The following TAFA1 variants were observed in gnomAD, a reference collection of about 807,000 sequenced individuals.
The protein encoded by TAFA1 is TAFA chemokine like family member 1, also known as chemokine-like protein TAFA-1.
In TAFA1, 4 loss-of-function variants were observed where a neutral mutation model predicts 18.5. That is an observed-to-expected ratio of 0.22 (90% confidence interval 0.11 to 0.49). TAFA1 has a LOEUF of 0.49. Ranked by LOEUF, TAFA1 falls within the 20% of genes least tolerant of loss-of-function variation. The pLI, the probability that TAFA1 is intolerant of heterozygous loss-of-function variation, is 0.98. For synonymous variants in TAFA1, 56 were observed against 55.2 expected, an observed-to-expected ratio of 1.01 and a Z score of -0.06; for missense variants, 147 against 169.0, an observed-to-expected ratio of 0.87 and a Z score of 0.72.
intron 3 of TAFA1, among the ~76,000 whole-genome samples, chr3:68,421,048 A>G (rs912678819): frequency 6.6e-6 from 1 of 152,212 alleles, no homozygotes; most frequent in Non-Finnish European, 1.5e-5. Flanking sequence ...TTTTATCTCT[A>G]ATGATCTAGA....
At chr3:68,157,989 T>C (rs2065883609) in intron 2 of TAFA1, among the ~76,000 whole-genome samples, 1 of 152,180 alleles carries the variant, frequency 6.6e-6, no homozygotes, top group Non-Finnish European at 1.5e-5. Flanking sequence ...GTCTTGGATT[T>C]AACAAGTTCC....
At chr3:68,203,498 G>A (rs1026003694) in intron 2 of TAFA1, among the ~76,000 whole-genome samples, 5 of 151,656 alleles carry the variant, frequency 3.3e-5, no homozygotes, top group Non-Finnish European at 5.9e-5. Context: ...ATTATGTACT[G>A]GGTAAAAGGA....
At chr3:68,130,678 C>T (rs907635603) in intron 2 of TAFA1, among the ~76,000 whole-genome samples, 6 of 152,266 alleles carry the variant, frequency 3.9e-5, no homozygotes, top group Non-Finnish European at 8.8e-5. Flanking sequence ...ATCTTACGTT[C>T]CCCTCCTGCT....
intron 2 of TAFA1, among the ~76,000 whole-genome samples, chr3:68,345,529 G>T (rs547945199): frequency 3.9e-5 from 6 of 152,260 alleles, no homozygotes; most frequent in Middle Eastern, 3.4e-3. Flanking sequence ...TAAGAAGTCA[G>T]GGGAAAACGT....
At chr3:68,229,717 C>T (rs1007653401) in intron 2 of TAFA1, among the ~76,000 whole-genome samples, 1 of 152,188 alleles carries the variant, frequency 6.6e-6, no homozygotes, top group African/African-American at 2.4e-5. Context: ...GAACAGCTCT[C>T]AATGTGCATT....
At chr3:68,529,140 A>G (rs765895458) in intron 3 of TAFA1, among the ~76,000 whole-genome samples, 2 of 151,940 alleles carry the variant, frequency 1.3e-5, no homozygotes, top group Admixed American at 1.3e-4. Flanking sequence ...ACTGCCTAGT[A>G]CAAGTAGGCA....
At chr3:68,377,356 T>C (rs1247398086) in intron 2 of TAFA1, among the ~76,000 whole-genome samples, 2 of 152,228 alleles carry the variant, frequency 1.3e-5, no homozygotes, top group Admixed American at 6.5e-5. Context: ...ACTTAGGTGG[T>C]CTTAGATGGA....
chr3:68,460,922 T>C (rs1197080536), intron 3 of TAFA1, among the ~76,000 whole-genome samples: 1 of 152,196 alleles, frequency 6.6e-6, no homozygotes, highest in Non-Finnish European at 1.5e-5. Flanking sequence ...AAATGGAATC[T>C]TCCTCCAGAA....
chr3:68,366,648 C>T (rs1326909136), intron 2 of TAFA1, among the ~76,000 whole-genome samples: 1 of 152,156 alleles, frequency 6.6e-6, no homozygotes, highest in Non-Finnish European at 1.5e-5. Context: ...GGTTTCAAGA[C>T]CAGACAGTTC....
chr3:68,269,682 G>T (rs1417434976), intron 2 of TAFA1, among the ~76,000 whole-genome samples: 5 of 152,068 alleles, frequency 3.3e-5, no homozygotes. Context: ...AGAACTTTGG[G>T]AGGCCAAGAT....
chr3:68,022,788 T>G (rs1297837606), intron 2 of TAFA1, among the ~76,000 whole-genome samples: 3 of 143,098 alleles, frequency 2.1e-5, no homozygotes. Context: ...AGCACTTTTC[T>G]CCTTCAATTA....
chr3:68,050,345 A>G (rs948734311), intron 2 of TAFA1, among the ~76,000 whole-genome samples: 2 of 152,112 alleles, frequency 1.3e-5, no homozygotes, highest in African/African-American at 4.8e-5. Flanking sequence ...CATTTATGCT[A>G]TGGCACTTGC....
intron 2 of TAFA1, among the ~76,000 whole-genome samples, chr3:68,237,412 G>C (rs915759128): frequency 6.6e-6 from 1 of 152,190 alleles, no homozygotes; most frequent in Non-Finnish European, 1.5e-5. Flanking sequence ...GGTAGGGAGG[G>C]CTTGGGAGGA....
At chr3:68,484,825 A>T (rs2072307424) in intron 3 of TAFA1, among the ~76,000 whole-genome samples, 1 of 152,106 alleles carries the variant, frequency 6.6e-6, no homozygotes, top group East Asian at 1.9e-4. Context: ...TTCTAAAGAG[A>T]TTGATTTCAC....
chr3:68,180,260 G>A (rs1409308761), intron 2 of TAFA1, among the ~76,000 whole-genome samples: 6 of 151,176 alleles, frequency 4.0e-5, no homozygotes, highest in Non-Finnish European at 8.8e-5. Context: ...GGCTGGTCTC[G>A]AACTCCCGAC....
At chr3:68,525,829 T>C (rs1445508752) in intron 3 of TAFA1, among the ~76,000 whole-genome samples, 2 of 152,126 alleles carry the variant, frequency 1.3e-5, no homozygotes, top group African/African-American at 2.4e-5. Context: ...TGGTATTATA[T>C]CCTGTTATTC....
At chr3:68,024,834 A>ACACACACACACACACACAC in intron 2 of TAFA1, among the ~76,000 whole-genome samples, 3 of 139,494 alleles carry the variant, frequency 2.2e-5, no homozygotes, top group South Asian at 4.4e-4. Context: ...CACACACACA[A>ACACACACACACACACACAC]TTATACATTG....
At chr3:68,233,463 G>A (rs556014958) in intron 2 of TAFA1, among the ~76,000 whole-genome samples, 1 of 152,046 alleles carries the variant, frequency 6.6e-6, no homozygotes, top group African/African-American at 2.4e-5. Context: ...TTATTTCTGG[G>A]TTTTGTATTC....
chr3:68,419,652 G>A (rs1431219687), intron 3 of TAFA1, among the ~76,000 whole-genome samples: 1 of 152,082 alleles, frequency 6.6e-6, no homozygotes, highest in Non-Finnish European at 1.5e-5. Context: ...CACATAACAG[G>A]ACACTGAACC....
Sources: gnomAD v4.1 joint callset for allele counts (sites outside exome capture counted in the v4.1 genomes callset) on GRCh38, gnomAD v4.1.1 for gene constraint, MANE v1.5 for transcripts, NCBI Gene and HGNC (gene_info 2026-07-23, HGNC 2026-07-21) for gene names.